Variants in PHIP observed in about 807,000 individuals in gnomAD.
The protein encoded by PHIP is PH-interacting protein.
A neutral mutation model predicts 236.8 loss-of-function variants in PHIP; 54 were observed. The observed-to-expected ratio is 0.23, with a 90% CI of 0.18 to 0.29. The LOEUF (loss-of-function observed/expected upper bound fraction) is 0.29, where lower values mean the gene tolerates loss of function less well. Ranked by LOEUF, PHIP falls within the 10% of genes least tolerant of loss-of-function variation. PHIP has a pLI of 1.00. For synonymous variants in PHIP, 756 were observed against 718.9 expected (o/e 1.05, Z -0.83); for missense variants, 1,370 against 2,190.8 (o/e 0.63, Z 7.48).
intron 35 of PHIP, among the ~76,000 whole-genome samples, chr6:78,952,308 A>C (rs1215976995): frequency 6.6e-6 from 1 of 151,304 alleles, no homozygotes; most frequent in Non-Finnish European, 1.5e-5. Context: ...AATCCCAGCT[A>C]CTCGTGAGGC....
chr6:78,940,772 G>C lies in PHIP; in HGVS notation c.5387C>G (p.Ser1796Cys). ...EQRQLLFEDT[S>C]LTFGTSSRGR... Reference sequence around the variant, plus strand: ...TCTACTAGAAGTTCCAAAAGTTAAAGAGGTGTCTTCGAACAACAGCTGCCT... The same window carrying C: ...TCTACTAGAAGTTCCAAAAGTTAAACAGGTGTCTTCGAACAACAGCTGCCT... The change falls in exon 40 of 40, where the codon TCT becomes TGT. Residue 1796 changes from serine (S) to cysteine (C), a missense_variant. This residue lies in a region of PHIP where 30 missense variants were observed against 68.2 expected (regional missense o/e 0.44). Transcript: ENST00000275034. 1 of 1,613,742 alleles carries C rather than the reference G, an allele frequency of 6.2e-7. No homozygotes were observed.
chr6:78,957,695 A>T (rs896695116), intron 32 of PHIP: 10 of 151,992 alleles, frequency 6.6e-5, no homozygotes, highest in Non-Finnish European at 1.3e-4. Context: ...GGAAAAAAAA[A>T]TTCAATACAA....
intron 6 of PHIP, among the ~76,000 whole-genome samples, chr6:79,053,547 G>C (rs1772911033): frequency 6.6e-6 from 1 of 151,998 alleles, no homozygotes; most frequent in South Asian, 2.1e-4. Context: ...CTTCCTTATG[G>C]AGCTGAACAA....
intron 7 of PHIP, among the ~76,000 whole-genome samples, chr6:79,037,047 A>AT (rs575024165): frequency 8.5e-4 from 129 of 152,134 alleles, no homozygotes; most frequent in African/African-American, 2.6e-3. Context: ...ATCAATACTG[A>AT]TAACACTACC....
chr6:79,035,526 G>C (rs1159567667), intron 7 of PHIP, among the ~76,000 whole-genome samples: 1 of 152,134 alleles, frequency 6.6e-6, no homozygotes, highest in Non-Finnish European at 1.5e-5. Context: ...GAAATTATGT[G>C]ATTTTTTAAC....
intron 38 of PHIP, 36 bp from the exon 39 acceptor site, chr6:78,945,533 T>C: frequency 7.9e-7 from 1 of 1,270,918 alleles, no homozygotes; most frequent in Non-Finnish European, 1.1e-6. Context: ...AATTAAGAGT[T>C]ATTGAACCTA....
At chr6:79,068,159 A>C (rs1369706904) in intron 4 of PHIP, 1 of 152,430 alleles carries the variant, frequency 6.6e-6, no homozygotes, top group African/African-American at 2.4e-5. Context: ...AGAAATGGTC[A>C]GTAGTTTAAA....
intron 39 of PHIP, among the ~76,000 whole-genome samples, chr6:78,944,902 G>A (rs1773717330): frequency 6.6e-6 from 1 of 152,166 alleles, no homozygotes; most frequent in Admixed American, 6.5e-5. Flanking sequence ...ACAGTAAGGT[G>A]TCAAAAGTTG....
intron 7 of PHIP, among the ~76,000 whole-genome samples, chr6:79,027,270 CCTA>C (rs1771454099): frequency 6.6e-6 from 1 of 152,030 alleles, no homozygotes; most frequent in South Asian, 2.1e-4. Flanking sequence ...GCCAATGATA[CCTA>C]AAACACCCCC....
At position 78,951,563 on chromosome 6, in the gene PHIP, T is replaced by C. The variant is rs150514117; in HGVS notation, c.4053+3251A>G. On this transcript the variant is annotated intron_variant, in intron 35 of 39. Coordinates refer to ENST00000275034, the MANE Select transcript of PHIP (RefSeq NM_017934.7). ...GTTTTCTTTTTCTCTTCTGTGACAGTAATTAACAAAACAACAAACCTCCAT... is the reference window on the plus strand; with the variant it reads ...GTTTTCTTTTTCTCTTCTGTGACAGCAATTAACAAAACAACAAACCTCCAT... Among the ~76,000 whole-genome samples, 372 of 152,300 alleles carry C rather than the reference T, an allele frequency of 2.4e-3. 1 individual carries two copies. Among genetic ancestry groups the C allele is most frequent in the African/African-American group, 8.7e-3 (363 of 41,588 alleles).
Position 78,954,980 on chromosome 6 carries a change from C to A in PHIP, c.3904-17G>T, listed in dbSNP as rs1766317096. On this transcript the variant is annotated splice_polypyrimidine_tract_variant and intron_variant, in intron 34 of 39. Coordinates refer to ENST00000275034, the MANE Select transcript of PHIP (RefSeq NM_017934.7). ...CTGATGGTCCTGTGATAAAAGTGTT[C>A]AAATATATTAATAAAAGAGCACTTA... 6.6e-7 allele frequency: 1 copy of A among 1,509,594 alleles called. No homozygotes were observed. Among genetic ancestry groups the A allele is most frequent in the Non-Finnish European group, 8.9e-7 (1 of 1,129,930 alleles). The allele number at this position is 1,509,594 out of a possible 1,614,324, so 93.5% of individuals were successfully genotyped here. A position where few individuals can be genotyped will look rare whatever the true frequency, so the allele number is the denominator to read the frequency against.
At chr6:78,985,124 C>G (rs1385247357) in intron 22 of PHIP, among the ~76,000 whole-genome samples, 1 of 151,662 alleles carries the variant, frequency 6.6e-6, no homozygotes, top group Non-Finnish European at 1.5e-5. Flanking sequence ...AGAAACAATA[C>G]TAAGATGATA....
chr6:79,034,368 C>T (rs1182913114), intron 7 of PHIP, among the ~76,000 whole-genome samples: 1 of 152,124 alleles, frequency 6.6e-6, no homozygotes, highest in Non-Finnish European at 1.5e-5. Flanking sequence ...TATGACGTGG[C>T]TTTCTACTGT....
intron 24 of PHIP, 79 bp from the exon 25 acceptor site, chr6:78,970,967 AAG>A: frequency 1.1e-6 from 1 of 928,408 alleles, no homozygotes; most frequent in Non-Finnish European, 1.6e-6. Context: ...TGAAATTGCA[AAG>A]AGAAAATCTA....
chr6:79,022,419 T>C (rs1475951641), intron 9 of PHIP, among the ~76,000 whole-genome samples: 1 of 152,220 alleles, frequency 6.6e-6, no homozygotes, highest in Non-Finnish European at 1.5e-5. Flanking sequence ...TCTGACATTA[T>C]ACCTCTAGTA....
intron 31 of PHIP, among the ~76,000 whole-genome samples, chr6:78,960,975 T>C (rs1361677054): frequency 1.2e-4 from 18 of 152,212 alleles, no homozygotes; most frequent in Admixed American, 1.0e-3. Context: ...TTACACAAAT[T>C]AAATTGTTGG....
Position 78,985,369 on chromosome 6 carries a change from G to A in PHIP, c.2520C>T (p.His840=), listed in dbSNP as rs771064226. Residue 840 remains histidine, a synonymous_variant, in exon 22 of 40, where the codon CAC becomes CAT. Coordinates refer to ENST00000275034, the MANE Select transcript of PHIP (RefSeq NM_017934.7). ...TCATTTACCTAGAACTGCCATCACT[G>A]TGCCATGCTCTCTCTTCTTCTTCGG... The part of the protein sequence containing the change: ...GTSEEEERAW[H]SDGSSSDYSS... 1.6e-5 allele frequency: 25 copies of A among 1,591,396 alleles called. No individual in the cohort carries two copies. Among genetic ancestry groups the A allele is most frequent in the Non-Finnish European group, 2.0e-5 (23 of 1,159,588 alleles).
chr6:79,040,774 T>C (rs1772172836), intron 7 of PHIP, among the ~76,000 whole-genome samples: 1 of 152,180 alleles, frequency 6.6e-6, no homozygotes, highest in Non-Finnish European at 1.5e-5. Context: ...ATCTTCGTTA[T>C]TTCTTATTGT....
Position 78,965,690 on chromosome 6 carries a change from A to AAC in PHIP, c.3379+11_3379+12dup. 6.8e-7 allele frequency: 1 copy of AAC among 1,461,150 alleles called. No individual in the cohort carries two copies. Among genetic ancestry groups the AAC allele is most frequent in the Non-Finnish European group, 9.5e-7 (1 of 1,051,852 alleles). 90.5% of individuals were successfully genotyped at this position (1,461,150 alleles called of 1,614,324 possible). A position where few individuals can be genotyped will look rare whatever the true frequency, so the allele number is the denominator to read the frequency against. ...TCCATAATGGAGAAACAAAAAGCCTAACACACACTTACCATTATTAGGTAT... is the reference window on the plus strand; with the variant it reads ...TCCATAATGGAGAAACAAAAAGCCTAACACACACACTTACCATTATTAGGTAT... On this transcript the variant is annotated intron_variant, in intron 29 of 39. Coordinates refer to ENST00000275034, the MANE Select transcript of PHIP (RefSeq NM_017934.7).
Sources: gnomAD v4.1 joint callset for allele counts (sites outside exome capture counted in the v4.1 genomes callset) on GRCh38, gnomAD v4.1.1 for gene constraint, gnomAD v4.1.1 regional missense constraint, MANE v1.5 for transcripts, NCBI Gene and HGNC (gene_info 2026-07-23, HGNC 2026-07-21) for gene names.